The following TG variants were observed in gnomAD, a reference collection of about 807,000 sequenced individuals.
TG encodes thyroid hormones.
A neutral mutation model predicts 324.7 loss-of-function variants in TG; 270 were observed. The ratio of observed to expected loss-of-function variants is 0.83; its 90% CI spans 0.75 to 0.92. TG has a LOEUF of 0.92. TG is among the 40% of genes least tolerant of loss of function. The probability of loss-of-function intolerance (pLI) is 0.00; values close to 1 mark genes in which losing one functional copy is unlikely to be tolerated. For missense variants in TG, 3,591 were observed against 3,456.4 expected (o/e 1.04, Z -0.98); for synonymous variants, 1,401 against 1,327.0 (o/e 1.06, Z -1.21).
chr8:133,070,269 C>T (rs1424971542), intron 41 of TG, among the ~76,000 whole-genome samples: 1 of 152,106 alleles, frequency 6.6e-6, no homozygotes, highest in Non-Finnish European at 1.5e-5. Flanking sequence ...GTCTCATAAG[C>T]CAGCACAGGC....
At chr8:132,994,171 A>C (rs1239859774) in intron 35 of TG, among the ~76,000 whole-genome samples, 1 of 152,156 alleles carries the variant, frequency 6.6e-6, no homozygotes. Flanking sequence ...TCACCCCTGA[A>C]CAGTTGCCTT....
At chr8:133,115,731 C>T (rs560926167) in intron 44 of TG, among the ~76,000 whole-genome samples, 202 of 152,300 alleles carry the variant, frequency 1.3e-3, no homozygotes, top group African/African-American at 4.7e-3. Flanking sequence ...GATTGAAAAC[C>T]TGGTGGGCCC....
At chr8:132,974,952 G>T (rs909311163) in intron 34 of TG, among the ~76,000 whole-genome samples, 1 of 152,166 alleles carries the variant, frequency 6.6e-6, no homozygotes, top group African/African-American at 2.4e-5. Context: ...CCTGTGATTT[G>T]ATCTGAATTG....
chr8:132,961,150 G>A (rs367900809), intron 28 of TG, 77 bp downstream of exon 28: 28 of 1,409,962 alleles, frequency 2.0e-5, no homozygotes, highest in Middle Eastern at 3.5e-4. Context: ...CTCATTCACA[G>A]GGCACTCTAT....
At chr8:132,946,461 T>C (rs976962036) in intron 26 of TG, among the ~76,000 whole-genome samples, 1 of 152,196 alleles carries the variant, frequency 6.6e-6, no homozygotes, top group Non-Finnish European at 1.5e-5. Context: ...TTTTCCCCAG[T>C]CTTGTCCAGT....
intron 41 of TG, among the ~76,000 whole-genome samples, chr8:133,071,306 C>T (rs770650073): frequency 5.9e-5 from 9 of 152,158 alleles, no homozygotes; most frequent in Non-Finnish European, 8.8e-5. Context: ...CATAATGTGT[C>T]GGAGTTTGCC....
intron 20 of TG, among the ~76,000 whole-genome samples, chr8:132,917,126 A>G (rs1247368008): frequency 6.7e-6 from 1 of 149,350 alleles, no homozygotes; most frequent in Admixed American, 6.7e-5. Flanking sequence ...ATCCATCCGA[A>G]CTTTCAAAAT....
At chr8:132,929,669 G>A (rs1266008265) in intron 23 of TG, among the ~76,000 whole-genome samples, 4 of 152,050 alleles carry the variant, frequency 2.6e-5, no homozygotes, top group Non-Finnish European at 5.9e-5. Context: ...ACCAGCAAGG[G>A]GTCAGGGCTT....
chr8:132,960,924 A>G, intron 27 of TG, 84 bp from the exon 28 acceptor site: 1 of 1,342,236 alleles, frequency 7.5e-7, no homozygotes, highest in Non-Finnish European at 1.1e-6. Context: ...AGCCTGTGTC[A>G]AGGGAGATGG....
Position 132,912,889 on chromosome 8 carries a change from C to T in TG, c.4160-158C>T, listed in dbSNP as rs75005119. ...TGACCCTGAACCAGTTCATCCCCTT[C>T]TCTGGGCCTCAGTTCCTCCCTCTGT... On this transcript the variant is annotated intron_variant, in intron 19 of 47. Transcript: ENST00000220616. 3.8e-3 allele frequency among the ~76,000 whole-genome samples: 582 copies of T among 152,350 alleles called. 19 individuals are homozygous for T. In the East Asian group the frequency reaches 0.085, roughly 22 times the overall value.
chr8:132,955,467 T>A (rs1299069978), intron 27 of TG, among the ~76,000 whole-genome samples: 2 of 152,220 alleles, frequency 1.3e-5, no homozygotes, highest in Non-Finnish European at 2.9e-5. Context: ...CAGACCCGTT[T>A]TGAATCAAGC....
intron 34 of TG, among the ~76,000 whole-genome samples, chr8:132,980,888 G>C (rs113867073): frequency 6.6e-6 from 1 of 151,974 alleles, no homozygotes; most frequent in African/African-American, 2.4e-5. Flanking sequence ...CACTGCATGC[G>C]GTAAGAGTAG....
chr8:133,036,552 A>G (rs568849247), intron 41 of TG, among the ~76,000 whole-genome samples: 4 of 152,144 alleles, frequency 2.6e-5, no homozygotes, highest in Non-Finnish European at 5.9e-5. Context: ...GAGTCATACA[A>G]TCTGCTTTTT....
At chr8:132,958,117 T>C (rs1256850204) in intron 27 of TG, among the ~76,000 whole-genome samples, 2 of 152,228 alleles carry the variant, frequency 1.3e-5, no homozygotes, top group Admixed American at 1.3e-4. Context: ...ATATATTTCA[T>C]GGTAAACTGC....
Position 132,881,968 on chromosome 8 carries a change from A to G in TG, c.744A>G (p.Thr248=). 1 of 1,607,860 alleles carries G rather than the reference A, an allele frequency of 6.2e-7. No homozygotes were observed. Reference sequence around the variant, plus strand: ...GCCAAGGGCGGGAACTGGCTGAGACAGGTGAGTGATACCCCTCAGGTGATC... The same window carrying G: ...GCCAAGGGCGGGAACTGGCTGAGACGGGTGAGTGATACCCCTCAGGTGATC... The part of the protein sequence containing the change: ...ADSQGRELAE[T]GLELLLDEIY... The change falls in exon 6 of 48, where the codon ACA becomes ACG. Residue 248 remains threonine, a splice_region_variant and synonymous_variant. Transcript: ENST00000220616.
intron 35 of TG, among the ~76,000 whole-genome samples, chr8:132,997,467 G>A (rs887596348): frequency 6.6e-6 from 1 of 152,248 alleles, no homozygotes; most frequent in South Asian, 2.1e-4. Flanking sequence ...CATGGAGAAT[G>A]TCAGATGTAA....
intron 34 of TG, among the ~76,000 whole-genome samples, chr8:132,973,197 A>G (rs1470933981): frequency 6.6e-6 from 1 of 152,218 alleles, no homozygotes; most frequent in African/African-American, 2.4e-5. Flanking sequence ...TTCCTCAAAC[A>G]GTAGTGAAGG....
Position 133,017,923 on chromosome 8 carries a change from G to A in TG, c.6708G>A (p.Pro2236=), listed in dbSNP as rs200593655. The A allele has an allele frequency of 2.2e-5, 36 of 1,614,162 alleles. No homozygotes were observed. Among genetic ancestry groups the A allele is most frequent in the South Asian group, 1.4e-4 (13 of 91,078 alleles). The part of the protein sequence containing the change: ...DQFLGVPYAA[P]PLAERRFQAP... Reference sequence around the variant, plus strand: ...TCCTTGGAGTTCCATATGCTGCCCCGCCCCTGGCAGAGAGGCGCTTCCAGG... The same window carrying A: ...TCCTTGGAGTTCCATATGCTGCCCCACCCCTGGCAGAGAGGCGCTTCCAGG... The change falls in exon 38 of 48, where the codon CCG becomes CCA. Residue 2236 remains proline, a synonymous_variant. Transcript: ENST00000220616.
intron 10 of TG, among the ~76,000 whole-genome samples, chr8:132,890,979 T>C (rs1163504253): frequency 6.6e-6 from 1 of 152,218 alleles, no homozygotes; most frequent in Non-Finnish European, 1.5e-5. Context: ...AGGTGAAGGA[T>C]GGTGTCTGCT....
Sources: allele counts gnomAD v4.1 joint callset (sites outside exome capture counted in the v4.1 genomes callset), GRCh38; gene constraint gnomAD v4.1.1; transcripts MANE v1.5; gene names NCBI Gene and HGNC (gene_info 2026-07-23, HGNC 2026-07-21).